The following SUCLA2 variants were observed in gnomAD, a reference collection of about 807,000 sequenced individuals.
The protein encoded by SUCLA2 is succinate--CoA ligase [ADP-forming] subunit beta, mitochondrial.
A neutral mutation model predicts 54.8 loss-of-function variants in SUCLA2; 30 were observed. The observed-to-expected ratio is 0.55, with a 90% CI of 0.41 to 0.74. The LOEUF is 0.74. Ranked by LOEUF, SUCLA2 falls within the 30% of genes least tolerant of loss-of-function variation. The pLI, the probability that SUCLA2 is intolerant of heterozygous loss-of-function variation, is 0.00. For synonymous variants in SUCLA2, 172 were observed against 188.9 expected (o/e 0.91, Z 0.74); for missense variants, 476 against 562.9 (o/e 0.85, Z 1.56).
intron 4 of SUCLA2, among the ~76,000 whole-genome samples, chr13:47,983,489 CTTTT>C (rs10548877): frequency 0.48 from 64,293 of 132,598 alleles, 16,332 homozygotes; most frequent in Middle Eastern, 0.6. Context: ...TTTCTTTTCC[CTTTT>C]TTTTTTTTTT....
chr13:47,990,419 C>A lies in SUCLA2; in HGVS notation c.272-1438G>T, dbSNP rs185611245. 3.9e-5 allele frequency among the ~76,000 whole-genome samples: 6 copies of A among 152,046 alleles called. No individual in the cohort carries two copies. The East Asian group carries it at 1.2e-3, about 29-fold the overall frequency. ...ATCATTACACACTCTATGCATGTAA[C>A]AAAATATAACATGTACCACAAAAAT... On this transcript the variant is annotated intron_variant, in intron 2 of 10. Coordinates refer to ENST00000646932, the MANE Select transcript of SUCLA2 (RefSeq NM_003850.3).
chr13:47,998,654 A>ATAC (rs1298896592), intron 1 of SUCLA2, among the ~76,000 whole-genome samples: 1 of 151,914 alleles, frequency 6.6e-6, no homozygotes, highest in African/African-American at 2.4e-5. Flanking sequence ...ACAAGAATAT[A>ATAC]TACTTACATG....
At chr13:47,954,355 A>T in intron 7 of SUCLA2, 41 bp downstream of exon 7, 1 of 1,613,888 alleles carries the variant, frequency 6.2e-7, no homozygotes. Flanking sequence ...AATCCAAATT[A>T]AACTTAGTGA....
chr13:47,982,244 A>T (rs926882043), intron 4 of SUCLA2, among the ~76,000 whole-genome samples: 2 of 152,338 alleles, frequency 1.3e-5, no homozygotes, highest in East Asian at 3.9e-4. Context: ...CAGTATATAC[A>T]TAAAATGGAA....
intron 6 of SUCLA2, among the ~76,000 whole-genome samples, chr13:47,954,853 C>T (rs1472935024): frequency 1.3e-5 from 2 of 152,008 alleles, no homozygotes; most frequent in African/African-American, 4.8e-5. Context: ...ATTAACTATC[C>T]TTGTTCGTAG....
chr13:47,985,106 C>T (rs987825355), intron 4 of SUCLA2, among the ~76,000 whole-genome samples: 15 of 152,154 alleles, frequency 9.9e-5, no homozygotes, highest in Admixed American at 7.9e-4. Context: ...AGTTACCTCC[C>T]GGAATCAGGA....
At chr13:47,950,020 G>A (rs929320789) in intron 8 of SUCLA2, among the ~76,000 whole-genome samples, 7 of 152,206 alleles carry the variant, frequency 4.6e-5, no homozygotes, top group African/African-American at 1.7e-4. Context: ...GGCGTGTTGT[G>A]TGGCAAGAGT....
Position 48,001,252 on chromosome 13 carries a change from G to A in SUCLA2, c.18C>T (p.Phe6=), listed in dbSNP as rs1324839732. Residue 6 remains phenylalanine, a synonymous_variant, in exon 1 of 11, where the codon TTC becomes TTT. Coordinates refer to ENST00000646932, the MANE Select transcript of SUCLA2 (RefSeq NM_003850.3). MAASM[F]YGRLVAVATL... ...TGGCCACGGCCACTAGCCTGCCGTA[G>A]AACATGGAGGCCGCCATTTCTGAGT... 1 of 1,604,450 alleles carries A rather than the reference G, an allele frequency of 6.2e-7. No individual in the cohort carries two copies. Among genetic ancestry groups the A allele is most frequent in the South Asian group, 1.1e-5 (1 of 89,434 alleles).
At chr13:47,981,841 A>G (rs1000076894) in intron 4 of SUCLA2, among the ~76,000 whole-genome samples, 1 of 151,976 alleles carries the variant, frequency 6.6e-6, no homozygotes, top group African/African-American at 2.4e-5. Context: ...AAAAATTAGC[A>G]GGGTGTGGTG....
At chr13:47,960,242 T>G (rs1456089592) in intron 6 of SUCLA2, among the ~76,000 whole-genome samples, 3 of 152,178 alleles carry the variant, frequency 2.0e-5, no homozygotes, top group African/African-American at 7.2e-5. Flanking sequence ...CTTTTTAAGT[T>G]TCTAATGGAA....
chr13:47,999,311 T>C (rs1386069526), intron 1 of SUCLA2, among the ~76,000 whole-genome samples: 2 of 152,234 alleles, frequency 1.3e-5, no homozygotes, highest in African/African-American at 4.8e-5. Flanking sequence ...TTTGGAAGAA[T>C]GTCCTTATTC....
chr13:47,982,940 C>T (rs1348395652), intron 4 of SUCLA2, among the ~76,000 whole-genome samples: 1 of 152,000 alleles, frequency 6.6e-6, no homozygotes, highest in African/African-American at 2.4e-5. Flanking sequence ...CTCTGTGAGT[C>T]GTTCTAAGGA....
At chr13:47,989,036 A>G in intron 2 of SUCLA2, 55 bp from the exon 3 acceptor site, 1 of 1,524,096 alleles carries the variant, frequency 6.6e-7, no homozygotes, top group Non-Finnish European at 9.1e-7. Context: ...TGCCAGACAT[A>G]GTATTTTGTT....
intron 10 of SUCLA2, among the ~76,000 whole-genome samples, chr13:47,943,705 A>G (rs960438133): frequency 2.7e-5 from 4 of 150,616 alleles, no homozygotes; most frequent in Non-Finnish European, 5.9e-5. Context: ...TATGTATTAC[A>G]TAAGATTATA....
At chr13:47,979,488 G>C (rs915885271) in intron 4 of SUCLA2, among the ~76,000 whole-genome samples, 2 of 152,102 alleles carry the variant, frequency 1.3e-5, no homozygotes, top group South Asian at 2.1e-4. Context: ...GGCCTGTCGG[G>C]GGGTGGGGGG....
intron 2 of SUCLA2, among the ~76,000 whole-genome samples, chr13:47,995,052 G>A (rs1378159640): frequency 6.6e-6 from 1 of 152,130 alleles, no homozygotes; most frequent in Non-Finnish European, 1.5e-5. Context: ...ACTAGTTAAA[G>A]AAACCAATTA....
chr13:47,943,262 C>T lies in SUCLA2; in HGVS notation c.*109G>A. 2 of 1,077,656 alleles carry T rather than the reference C, an allele frequency of 1.9e-6. No homozygotes were observed. Among genetic ancestry groups the T allele is most frequent in the South Asian group, 1.3e-5 (1 of 79,632 alleles). The allele number at this position is 1,077,656 out of a possible 1,614,324, so 66.8% of individuals were successfully genotyped here. A position where few individuals can be genotyped will look rare whatever the true frequency, so the allele number is the denominator to read the frequency against. On this transcript the variant is annotated 3_prime_UTR_variant, in exon 11 of 11. Transcript: ENST00000646932. Reference sequence around the variant, plus strand: ...TTTAAATGTTTGTGTGCCTAGATGGCAATTACAATCTCCACACACTAAAAA... The same window carrying T: ...TTTAAATGTTTGTGTGCCTAGATGGTAATTACAATCTCCACACACTAAAAA...
intron 8 of SUCLA2, among the ~76,000 whole-genome samples, chr13:47,953,669 G>A (rs745631764): frequency 4.6e-5 from 7 of 151,978 alleles, no homozygotes; most frequent in Non-Finnish European, 1.0e-4. Flanking sequence ...CAGACACTAC[G>A]AGAAGCAACA....
chr13:47,943,870 T>C (rs1410505728), intron 10 of SUCLA2, among the ~76,000 whole-genome samples: 1 of 151,688 alleles, frequency 6.6e-6, no homozygotes, highest in Non-Finnish European at 1.5e-5. Flanking sequence ...AAAATTTGTT[T>C]TGAAATAAGT....
Sources: allele counts gnomAD v4.1 joint callset (sites outside exome capture counted in the v4.1 genomes callset), GRCh38; gene constraint gnomAD v4.1.1; transcripts MANE v1.5; gene names NCBI Gene and HGNC (gene_info 2026-07-23, HGNC 2026-07-21).